COL11A1: variants seen among roughly 807,000 people sequenced by gnomAD.
COL11A1 encodes the protein collagen type XI alpha 1 chain, also known as collagen alpha-1(XI) chain.
COL11A1 carries 74 observed loss-of-function variants against 265.2 expected under a neutral mutation model. That is an observed-to-expected ratio of 0.28 (90% confidence interval 0.23 to 0.34). The LOEUF is 0.34. Ranked by LOEUF, COL11A1 falls within the 10% of genes least tolerant of loss-of-function variation. The pLI is 1.00. For synonymous variants in COL11A1, 816 were observed against 727.6 expected (o/e 1.12, Z -1.96); for missense variants, 2,165 against 2,263.6 (o/e 0.96, Z 0.88).
intron 46 of COL11A1, among the ~76,000 whole-genome samples, chr1:102,932,775 G>A (rs561350182): frequency 6.6e-6 from 1 of 151,206 alleles, no homozygotes; most frequent in African/African-American, 2.4e-5. Flanking sequence ...ATATTTCTTG[G>A]AGGCTTTGCT....
rs753383164 is a variant in COL11A1, at chr1:102,970,195, A to T, written c.2862+24T>A. ...TGAGGTGCTAGAGATGGAAATTTTT[A>T]ATAAGAGTAACAAGGTCACTTACAG... On this transcript the variant is annotated intron_variant, in intron 37 of 66. Transcript: ENST00000370096. The T allele has an allele frequency of 3.7e-6, 6 of 1,607,546 alleles. No homozygotes were observed. In the South Asian group the frequency reaches 6.6e-5, roughly 18 times the overall value.
chr1:103,023,370 C>CTTTTTTTTT (rs112800509), intron 7 of COL11A1, among the ~76,000 whole-genome samples: 51 of 142,996 alleles, frequency 3.6e-4, no homozygotes, highest in Admixed American at 1.5e-3. Flanking sequence ...TTTTTTCTTT[C>CTTTTTTTTT]TTTTTTTTTT....
intron 1 of COL11A1, among the ~76,000 whole-genome samples, chr1:103,098,365 A>G (rs1030416588): frequency 2.0e-5 from 3 of 151,884 alleles, no homozygotes; most frequent in African/African-American, 2.4e-5. Context: ...ATTTATTTAT[A>G]TATTGGTTTC....
At chr1:103,107,926 A>G (rs1328881718) in intron 1 of COL11A1, 147 bp downstream of exon 1, 12 of 689,902 alleles carry the variant, frequency 1.7e-5, no homozygotes. Context: ...CCAACCTGGT[A>G]GCAGCTACAA....
chr1:102,961,451 TAATA>T (rs1660899346), intron 41 of COL11A1, among the ~76,000 whole-genome samples: 1 of 152,216 alleles, frequency 6.6e-6, no homozygotes, highest in African/African-American at 2.4e-5. Flanking sequence ...ATATGTTTTA[TAATA>T]AATGAATGAT....
At chr1:102,914,281 T>C (rs1655041422) in intron 52 of COL11A1, 71 bp downstream of exon 52, 3 of 1,221,956 alleles carry the variant, frequency 2.5e-6, no homozygotes, top group African/African-American at 1.5e-5. Context: ...GATTTTTTTT[T>C]CTTTATTAAC....
At chr1:102,882,072 C>T (rs768082212) in intron 64 of COL11A1, among the ~76,000 whole-genome samples, 1 of 152,046 alleles carries the variant, frequency 6.6e-6, no homozygotes, top group Non-Finnish European at 1.5e-5. Context: ...TGGTGGAACA[C>T]TCAGAAACCC....
chr1:102,979,344 CTT>C, intron 32 of COL11A1, 36 bp downstream of exon 32: 1 of 1,495,372 alleles, frequency 6.7e-7, no homozygotes, highest in East Asian at 2.3e-5. Flanking sequence ...GCTAAGAACA[CTT>C]ATATACATAG....
intron 64 of COL11A1, 137 bp downstream of exon 64, chr1:102,883,062 C>G: frequency 1.4e-6 from 1 of 704,980 alleles, no homozygotes; most frequent in South Asian, 1.5e-5. Context: ...CATGTTTATG[C>G]AAATGAAGTA....
intron 1 of COL11A1, among the ~76,000 whole-genome samples, chr1:103,103,885 T>C (rs1210098781): frequency 6.6e-6 from 1 of 152,052 alleles, no homozygotes; most frequent in Non-Finnish European, 1.5e-5. Context: ...AATTAGAACT[T>C]GCACTACTAA....
intron 21 of COL11A1, 66 bp from the exon 22 acceptor site, chr1:103,002,857 G>T: frequency 7.1e-7 from 1 of 1,412,992 alleles, no homozygotes; most frequent in Non-Finnish European, 1.0e-6. Context: ...AAATCAAAAA[G>T]ACTAATCTAA....
At chr1:102,887,376 G>C (rs1422853110) in intron 62 of COL11A1, among the ~76,000 whole-genome samples, 1 of 151,960 alleles carries the variant, frequency 6.6e-6, no homozygotes, top group Non-Finnish European at 1.5e-5. Flanking sequence ...TCATTTATAT[G>C]CCCTAACTCC....
intron 1 of COL11A1, among the ~76,000 whole-genome samples, chr1:103,096,024 A>C (rs1357877268): frequency 6.6e-6 from 1 of 151,986 alleles, no homozygotes; most frequent in Non-Finnish European, 1.5e-5. Flanking sequence ...GGGAGACTGG[A>C]TTTTATTCTA....
chr1:102,954,912 A>G (rs746236398), intron 41 of COL11A1, among the ~76,000 whole-genome samples: 28 of 152,104 alleles, frequency 1.8e-4, no homozygotes, highest in Non-Finnish European at 4.0e-4. Flanking sequence ...CACTCTCTAC[A>G]TGACATACAT....
intron 41 of COL11A1, among the ~76,000 whole-genome samples, chr1:102,958,886 G>C (rs1660622558): frequency 6.6e-6 from 1 of 152,120 alleles, no homozygotes; most frequent in Non-Finnish European, 1.5e-5. Flanking sequence ...AATTGCTCTA[G>C]GCATGGAAGG....
chr1:102,937,885 T>C (rs1469653649), intron 44 of COL11A1, among the ~76,000 whole-genome samples: 2 of 152,192 alleles, frequency 1.3e-5, no homozygotes, highest in African/African-American at 4.8e-5. Flanking sequence ...TTTGTAAATG[T>C]ATAGTCAATA....
At chr1:103,081,476 A>T (rs1420602013) in intron 2 of COL11A1, among the ~76,000 whole-genome samples, 1 of 151,682 alleles carries the variant, frequency 6.6e-6, no homozygotes, top group African/African-American at 2.4e-5. Context: ...AATCACTTTA[A>T]CTTTTTTATT....
At chr1:102,948,746 A>G (rs1486569006) in intron 41 of COL11A1, among the ~76,000 whole-genome samples, 4 of 151,742 alleles carry the variant, frequency 2.6e-5, no homozygotes, top group African/African-American at 7.2e-5. Context: ...TCATCAATGT[A>G]TTTTTTAATT....
chr1:102,994,011 TG>T (rs979178805), intron 28 of COL11A1, among the ~76,000 whole-genome samples: 3 of 152,186 alleles, frequency 2.0e-5, no homozygotes, highest in African/African-American at 7.2e-5. Context: ...GTGAAATGCA[TG>T]GCCTTTTTCA....
Sources: gnomAD v4.1 joint callset for allele counts (sites outside exome capture counted in the v4.1 genomes callset) on GRCh38, gnomAD v4.1.1 for gene constraint, MANE v1.5 for transcripts, NCBI Gene and HGNC (gene_info 2026-07-23, HGNC 2026-07-21) for gene names.